The following CFAP299 variants were observed in gnomAD, a reference collection of about 807,000 sequenced individuals.
The protein encoded by CFAP299 is cilia- and flagella-associated protein 299.
Under a neutral mutation model 27.0 loss-of-function variants are expected in CFAP299, and 21 were observed. The observed-to-expected ratio is 0.78, with a 90% CI of 0.55 to 1.12. The LOEUF (loss-of-function observed/expected upper bound fraction) is 1.12. CFAP299 is among the 50% of genes most tolerant of loss of function. The pLI is 0.00. For missense variants in CFAP299, 310 were observed against 276.6 expected (o/e 1.12, Z -0.86); for synonymous variants, 104 against 98.1 (o/e 1.06, Z -0.36).
rs146757239 is a variant in CFAP299 at position 80,348,858 on chromosome 4, G to A, written c.111+12979G>A. On this transcript the variant is annotated intron_variant, in intron 1 of 5. Transcript: ENST00000358105. The stretch of plus-strand genomic sequence containing the variant: ...ATCTTTATTTCAGGTGTCTAAAGGT[G>A]ATAAACTAAATAAGTTTTGCTTCTA... Among the ~76,000 whole-genome samples, 162 of 152,338 alleles carry A rather than the reference G, an allele frequency of 1.1e-3. 3 individuals carry two copies. Among genetic ancestry groups the A allele is most frequent in the African/African-American group, 3.7e-3 (154 of 41,584 alleles).
intron 1 of CFAP299, among the ~76,000 whole-genome samples, chr4:80,348,684 G>A (rs1578340440): frequency 6.6e-6 from 1 of 152,116 alleles, no homozygotes; most frequent in Non-Finnish European, 1.5e-5. Context: ...CTTGCTGTTC[G>A]ACCTTCAGAA....
At chr4:80,486,967 G>A (rs2110133480) in intron 2 of CFAP299, among the ~76,000 whole-genome samples, 2 of 152,322 alleles carry the variant, frequency 1.3e-5, no homozygotes, top group East Asian at 3.9e-4. Flanking sequence ...AGTGGGAGAA[G>A]ACTTTTTGTG....
At chr4:80,321,536 C>T in the CFAP299 span, among the ~76,000 whole-genome samples, 1 of 152,160 alleles carries the variant, frequency 6.6e-6, no homozygotes, top group Non-Finnish European at 1.5e-5. Context: ...CCGCCACTGC[C>T]CCCATGCCCA....
At chr4:80,665,872 G>A (rs190046814) in intron 3 of CFAP299, among the ~76,000 whole-genome samples, 197 of 152,056 alleles carry the variant, frequency 1.3e-3, no homozygotes, top group Non-Finnish European at 2.1e-3. Context: ...AAAGTATATG[G>A]CACCTCTTCT....
chr4:80,721,193 C>A (rs553062642), intron 3 of CFAP299, among the ~76,000 whole-genome samples: 41 of 152,192 alleles, frequency 2.7e-4, no homozygotes, highest in African/African-American at 9.4e-4. Flanking sequence ...GAAATAATGG[C>A]TGAAAATTTT....
intron 3 of CFAP299, among the ~76,000 whole-genome samples, chr4:80,761,981 C>A (rs1287793791): frequency 1.3e-5 from 2 of 151,818 alleles, no homozygotes; most frequent in Admixed American, 6.6e-5. Flanking sequence ...AATACAAAAA[C>A]AGATTTCAGT....
At chr4:80,713,831 A>G (rs1722315342) in intron 3 of CFAP299, among the ~76,000 whole-genome samples, 1 of 152,342 alleles carries the variant, frequency 6.6e-6, no homozygotes, top group South Asian at 2.1e-4. Flanking sequence ...AACTGAAAAA[A>G]GTCCCTTCTA....
intron 3 of CFAP299, among the ~76,000 whole-genome samples, chr4:80,609,903 A>C (rs540478725): frequency 6.6e-6 from 1 of 152,228 alleles, no homozygotes; most frequent in East Asian, 1.9e-4. Context: ...TGATAGAGTG[A>C]AAAGAAGCTA....
intron 2 of CFAP299, among the ~76,000 whole-genome samples, chr4:80,425,912 G>T (rs886845012): frequency 6.6e-6 from 1 of 152,232 alleles, no homozygotes; most frequent in South Asian, 2.1e-4. Context: ...TAGTAAACAA[G>T]CTTGATGAAA....
chr4:80,769,927 T>A (rs563599412), intron 3 of CFAP299, among the ~76,000 whole-genome samples: 9 of 152,304 alleles, frequency 5.9e-5, no homozygotes, highest in African/African-American at 2.2e-4. Context: ...GATTAGTTTG[T>A]TAGGCCTGGG....
intron 2 of CFAP299, among the ~76,000 whole-genome samples, chr4:80,481,081 G>A (rs536107725): frequency 2.6e-5 from 4 of 151,976 alleles, no homozygotes; most frequent in South Asian, 4.2e-4. Flanking sequence ...AAGCATAGTC[G>A]TAGACACTTC....
intron 3 of CFAP299, among the ~76,000 whole-genome samples, chr4:80,648,156 AT>A (rs1361999653): frequency 1.3e-5 from 2 of 152,220 alleles, no homozygotes; most frequent in African/African-American, 4.8e-5. Context: ...ATAATTGCAC[AT>A]TATTGGAGAG....
chr4:80,844,142 C>A (rs1039647878), intron 3 of CFAP299, among the ~76,000 whole-genome samples: 85 of 152,238 alleles, frequency 5.6e-4, no homozygotes, highest in Non-Finnish European at 4.6e-4. Context: ...TTTTCTTAAT[C>A]CAGTCTATCA....
At chr4:80,466,794 C>T (rs943170993) in intron 2 of CFAP299, among the ~76,000 whole-genome samples, 2 of 152,184 alleles carry the variant, frequency 1.3e-5, no homozygotes, top group Admixed American at 6.5e-5. Context: ...GATGCCCTCT[C>T]ACCCCATGCT....
chr4:80,356,394 G>A (rs1723282271), intron 1 of CFAP299, among the ~76,000 whole-genome samples: 2 of 152,082 alleles, frequency 1.3e-5, no homozygotes, highest in Non-Finnish European at 2.9e-5. Context: ...AGTTTAATGG[G>A]AATAGCATTG....
chr4:80,673,999 T>C (rs538413601), intron 3 of CFAP299, among the ~76,000 whole-genome samples: 111 of 152,330 alleles, frequency 7.3e-4, no homozygotes, highest in African/African-American at 2.5e-3. Context: ...TGTCTTTTAA[T>C]TGGGGCATTT....
chr4:80,767,025 A>G (rs576094905), intron 3 of CFAP299, among the ~76,000 whole-genome samples: 1 of 152,308 alleles, frequency 6.6e-6, no homozygotes, highest in African/African-American at 2.4e-5. Flanking sequence ...TCCGAAGGAT[A>G]TATTCCAAGA....
chr4:80,661,429 A>G (rs1740841582), intron 3 of CFAP299, among the ~76,000 whole-genome samples: 1 of 152,094 alleles, frequency 6.6e-6, no homozygotes, highest in Admixed American at 6.6e-5. Flanking sequence ...TTTCATAGAC[A>G]TTTATTAGTT....
At chr4:80,616,582 G>A (rs1377002308) in intron 3 of CFAP299, among the ~76,000 whole-genome samples, 1 of 151,900 alleles carries the variant, frequency 6.6e-6, no homozygotes, top group Non-Finnish European at 1.5e-5. Flanking sequence ...GCTAAGTTGG[G>A]GCAGCCAGGA....
Sources: allele counts gnomAD v4.1 joint callset (sites outside exome capture counted in the v4.1 genomes callset), GRCh38; gene constraint gnomAD v4.1.1; transcripts MANE v1.5; gene names NCBI Gene and HGNC (gene_info 2026-07-23, HGNC 2026-07-21).